Variants in RORB observed in about 807,000 individuals in gnomAD.
RORB encodes the protein RAR related orphan receptor B.
A neutral mutation model predicts 59.1 loss-of-function variants in RORB; 6 were observed. The ratio of observed to expected loss-of-function variants is 0.10; its 90% CI spans 0.06 to 0.20. The LOEUF (loss-of-function observed/expected upper bound fraction) is 0.20. Among genes scored for constraint, RORB ranks in the 10% least tolerant of loss-of-function variants. The pLI is 1.00. For missense variants in RORB, 320 were observed against 560.5 expected (o/e 0.57, Z 4.33); for synonymous variants, 215 against 204.5 (o/e 1.05, Z -0.44).
At chr9:74,649,192 C>T (rs975503142) in intron 4 of RORB, among the ~76,000 whole-genome samples, 1 of 152,042 alleles carries the variant, frequency 6.6e-6, no homozygotes, top group African/African-American at 2.4e-5. Context: ...TCAGGTAACA[C>T]ACCCGCCTCA....
intron 1 of RORB, among the ~76,000 whole-genome samples, chr9:74,500,614 C>A (rs1825792980): frequency 6.6e-6 from 1 of 152,172 alleles, no homozygotes; most frequent in Non-Finnish European, 1.5e-5. Context: ...CAGCTGACAA[C>A]TGTCCTGAAT....
chr9:74,524,003 CTTT>C (rs10666385), intron 1 of RORB, among the ~76,000 whole-genome samples: 52 of 124,272 alleles, frequency 4.2e-4, no homozygotes, highest in African/African-American at 1.4e-3. Flanking sequence ...TCAACGACAC[CTTT>C]TTTTTTTTTT....
chr9:74,623,990 T>C (rs1189397695), intron 1 of RORB, among the ~76,000 whole-genome samples: 2 of 152,230 alleles, frequency 1.3e-5, no homozygotes, highest in East Asian at 3.9e-4. Flanking sequence ...CGTTATTTGT[T>C]GGTCTCATGT....
intron 1 of RORB, among the ~76,000 whole-genome samples, chr9:74,576,040 A>T (rs186413201): frequency 6.6e-6 from 1 of 152,154 alleles, no homozygotes; most frequent in African/African-American, 2.4e-5. Flanking sequence ...ATGAAAAGTA[A>T]AGGTAATTGT....
intron 1 of RORB, among the ~76,000 whole-genome samples, chr9:74,552,962 A>C (rs1826635765): frequency 6.6e-6 from 1 of 152,220 alleles, no homozygotes; most frequent in Non-Finnish European, 1.5e-5. Flanking sequence ...TTTGGTGGAA[A>C]GACCATGAGG....
At chr9:74,614,048 G>A (rs1823273111) in intron 1 of RORB, among the ~76,000 whole-genome samples, 1 of 152,184 alleles carries the variant, frequency 6.6e-6, no homozygotes, top group African/African-American at 2.4e-5. Flanking sequence ...ATGGGTGCAT[G>A]TGTCTTTGGT....
intron 1 of RORB, among the ~76,000 whole-genome samples, chr9:74,584,574 G>A (rs1465071170): frequency 2.0e-5 from 3 of 152,144 alleles, no homozygotes; most frequent in Admixed American, 6.5e-5. Flanking sequence ...TCACCATGCC[G>A]TTTATTGCAT....
chr9:74,684,824 G>A (rs11144062), intron 9 of RORB, among the ~76,000 whole-genome samples: 26,078 of 152,088 alleles, frequency 0.17, 2,503 homozygotes, highest in Non-Finnish European at 0.19. Context: ...GAGCTTGATA[G>A]CCAAGCAGTC....
intron 1 of RORB, among the ~76,000 whole-genome samples, chr9:74,605,794 A>G (rs1436858706): frequency 2.6e-5 from 4 of 152,226 alleles, no homozygotes; most frequent in African/African-American, 9.6e-5. Flanking sequence ...ACATGGATCC[A>G]CATTATTAAT....
At chr9:74,566,823 G>A (rs192068301) in intron 1 of RORB, among the ~76,000 whole-genome samples, 8 of 152,270 alleles carry the variant, frequency 5.3e-5, no homozygotes, top group African/African-American at 1.9e-4. Flanking sequence ...AAATAAAGAA[G>A]CAGGGTAAGA....
At chr9:74,507,019 C>T (rs571237037) in intron 1 of RORB, among the ~76,000 whole-genome samples, 1 of 152,086 alleles carries the variant, frequency 6.6e-6, no homozygotes, top group South Asian at 2.1e-4. Flanking sequence ...TTTTACTAGC[C>T]TGATTAAACA....
intron 1 of RORB, among the ~76,000 whole-genome samples, chr9:74,623,747 G>A (rs1823462587): frequency 6.6e-6 from 1 of 152,090 alleles, no homozygotes; most frequent in Non-Finnish European, 1.5e-5. Context: ...CTGTTCTGTG[G>A]ACCACACCTT....
chr9:74,670,596 C>A (rs1824331001), intron 8 of RORB, among the ~76,000 whole-genome samples: 1 of 152,200 alleles, frequency 6.6e-6, no homozygotes, highest in African/African-American at 2.4e-5. Context: ...GTGCTGCTAG[C>A]AGACTCACAC....
At chr9:74,584,735 T>C (rs752081490) in intron 1 of RORB, among the ~76,000 whole-genome samples, 29 of 152,148 alleles carry the variant, frequency 1.9e-4, no homozygotes, top group Non-Finnish European at 4.1e-4. Context: ...GTATTGGAAA[T>C]ACATCATTGG....
chr9:74,638,609 G>C (rs1263043298), intron 3 of RORB, among the ~76,000 whole-genome samples: 2 of 152,188 alleles, frequency 1.3e-5, no homozygotes, highest in Non-Finnish European at 2.9e-5. Context: ...GTAGTGATAA[G>C]AAGAATGCTA....
intron 1 of RORB, among the ~76,000 whole-genome samples, chr9:74,548,981 C>T (rs1305251528): frequency 6.6e-6 from 1 of 152,144 alleles, no homozygotes; most frequent in Non-Finnish European, 1.5e-5. Context: ...AAAAATAATG[C>T]TATTTCAATC....
At chr9:74,619,699 C>T (rs1188227674) in intron 1 of RORB, among the ~76,000 whole-genome samples, 1 of 152,156 alleles carries the variant, frequency 6.6e-6, no homozygotes, top group Non-Finnish European at 1.5e-5. Flanking sequence ...ATCTGCCCAC[C>T]TCAGCCTCCC....
intron 1 of RORB, among the ~76,000 whole-genome samples, chr9:74,570,552 C>G (rs1427648616): frequency 6.6e-6 from 1 of 152,114 alleles, no homozygotes; most frequent in Non-Finnish European, 1.5e-5. Flanking sequence ...TTTAATTAAT[C>G]TTGTGTTATG....
intron 1 of RORB, among the ~76,000 whole-genome samples, chr9:74,625,297 T>C (rs1444121797): frequency 6.6e-6 from 1 of 151,948 alleles, no homozygotes; most frequent in African/African-American, 2.4e-5. Flanking sequence ...CCACAATCTC[T>C]GGTTCATTCT....
Sources: allele counts gnomAD v4.1 joint callset (sites outside exome capture counted in the v4.1 genomes callset), GRCh38; gene constraint gnomAD v4.1.1; transcripts MANE v1.5; gene names NCBI Gene and HGNC (gene_info 2026-07-23, HGNC 2026-07-21).